PTCSC3: variants seen among roughly 807,000 people sequenced by gnomAD.
The protein encoded by PTCSC3 is papillary thyroid carcinoma susceptibility candidate 3 (non-protein coding).
At chr14:36,172,029 C>A (rs1371717751) in intron 1 of PTCSC3, among the ~76,000 whole-genome samples, 1 of 152,088 alleles carries the variant, frequency 6.6e-6, no homozygotes, top group Admixed American at 6.6e-5. Flanking sequence ...AACCTCTAAT[C>A]AGAAAGATGA....
chr14:36,166,489 G>T (rs907717036), intron 1 of PTCSC3, among the ~76,000 whole-genome samples: 1 of 152,144 alleles, frequency 6.6e-6, no homozygotes, highest in Non-Finnish European at 1.5e-5. Context: ...TAAGCAGGGT[G>T]TCTGATATGT....
chr14:36,171,454 C>T (rs1882191097), intron 1 of PTCSC3, among the ~76,000 whole-genome samples: 1 of 152,064 alleles, frequency 6.6e-6, no homozygotes, highest in African/African-American at 2.4e-5. Flanking sequence ...CATTATTCTC[C>T]CATACGCTGT....
chr14:36,170,984 G>A (rs1167889985), intron 1 of PTCSC3, among the ~76,000 whole-genome samples: 1 of 152,138 alleles, frequency 6.6e-6, no homozygotes, highest in African/African-American at 2.4e-5. Context: ...TAACTTAATA[G>A]CTTTCTGCTA....
chr14:36,155,969 T>C (rs1387428000), intron 2 of PTCSC3, among the ~76,000 whole-genome samples: 2 of 152,226 alleles, frequency 1.3e-5, no homozygotes, highest in East Asian at 3.9e-4. Flanking sequence ...ATAGATTGTA[T>C]CTTACTATTC....
At chr14:36,143,841 T>A (rs1336788444) in intron 3 of PTCSC3, among the ~76,000 whole-genome samples, 9 of 146,238 alleles carry the variant, frequency 6.2e-5, no homozygotes, top group South Asian at 4.6e-4. Flanking sequence ...TTGTATAAGG[T>A]GTAAGGAAGG....
At chr14:36,169,725 A>G (rs1338330164) in intron 1 of PTCSC3, among the ~76,000 whole-genome samples, 2 of 152,132 alleles carry the variant, frequency 1.3e-5, no homozygotes, top group Non-Finnish European at 2.9e-5. Flanking sequence ...AAGAGCTAGG[A>G]GAGGAAAAGC....
rs58223160 is a variant in PTCSC3, at chr14:36,162,258, G to GAAAAAAAAAAAAAA, written n.231+352_231+365dup. On this transcript the variant is annotated intron_variant and non_coding_transcript_variant, in intron 2 of 3. Transcript: ENST00000556013. ...GCGTTCCAGGAGCTGCTGGGGTATG[G>GAAAAAAAAAAAAAA]AAAAAAAAAAAAAAAAAAAAAAAAA... Among the ~76,000 whole-genome samples the GAAAAAAAAAAAAAA allele has an allele frequency of 3.8e-4, 40 of 106,542 alleles. 1 individual carries two copies. The highest frequency in any genetic ancestry group is 1.8e-3 in the African/African-American group (38 of 20,770). The allele number at this position is 106,542 out of a possible 152,430, so 69.9% of individuals were successfully genotyped here.
chr14:36,146,449 T>C lies in PTCSC3; in HGVS notation n.322+7355A>G, dbSNP rs377306307. 5.0e-3 allele frequency among the ~76,000 whole-genome samples: 765 copies of C among 151,538 alleles called. 5 individuals are homozygous for C. Among genetic ancestry groups the C allele is most frequent in the East Asian group, 0.032 (167 of 5,148 alleles). On this transcript the variant is annotated intron_variant and non_coding_transcript_variant, in intron 3 of 3. Coordinates refer to ENST00000556013, the Ensembl canonical transcript of PTCSC3. ...GTTTGTCTCTTTTGATCTTTGTTGGTTTAAAGTCTGTTTTATCAGAGACTA... is the reference window on the plus strand; with the variant it reads ...GTTTGTCTCTTTTGATCTTTGTTGGCTTAAAGTCTGTTTTATCAGAGACTA...
At chr14:36,141,077 T>G (rs756148440) in intron 3 of PTCSC3, among the ~76,000 whole-genome samples, 6 of 152,180 alleles carry the variant, frequency 3.9e-5, no homozygotes, top group Non-Finnish European at 8.8e-5. Context: ...TTTATTTTGT[T>G]CATAAGTGTA....
intron 1 of PTCSC3, among the ~76,000 whole-genome samples, chr14:36,164,789 G>C (rs1408327686): frequency 6.6e-6 from 1 of 152,080 alleles, no homozygotes; most frequent in African/African-American, 2.4e-5. Flanking sequence ...AAATACACTG[G>C]AAGGAAGAGA....
chr14:36,165,846 C>G (rs1414016706), intron 1 of PTCSC3, among the ~76,000 whole-genome samples: 1 of 151,150 alleles, frequency 6.6e-6, no homozygotes, highest in Non-Finnish European at 1.5e-5. Flanking sequence ...TTTGGCGAGG[C>G]AAGTACAATT....
In PTCSC3 at chr14:36,162,275, A is replaced by G. The variant is rs897556993; in HGVS notation, n.231+349T>C. On this transcript the variant is annotated intron_variant and non_coding_transcript_variant, in intron 2 of 3. Transcript: ENST00000556013. ...GGGGTATGGAAAAAAAAAAAAAAAA[A>G]AAAAAAAAAACTCCTGCAGCCAGCT... Among the ~76,000 whole-genome samples the G allele has an allele frequency of 3.2e-3, 476 of 150,838 alleles. 7 individuals carry two copies. The highest frequency in any genetic ancestry group is 0.011 in the African/African-American group (446 of 40,798).
rs370132258 is a variant in PTCSC3 at position 36,166,720 on chromosome 14, T to A, written n.172-4037A>T. On this transcript the variant is annotated intron_variant and non_coding_transcript_variant, in intron 1 of 3. Transcript: ENST00000556013. ...ATGTGTCAGGCAGAAATAGAAGGTA[T>A]GATAATATAGATCTTGCCTAATAGT... is the stretch of plus-strand genomic sequence containing the variant. Among the ~76,000 whole-genome samples, 6 of 152,332 alleles carry A rather than the reference T, an allele frequency of 3.9e-5. No individual in the cohort carries two copies. In the East Asian group the frequency reaches 9.6e-4, roughly 24 times the overall value.
intron 3 of PTCSC3, among the ~76,000 whole-genome samples, chr14:36,153,485 G>A (rs1380268574): frequency 1.3e-5 from 2 of 152,194 alleles, no homozygotes; most frequent in Non-Finnish European, 2.9e-5. Flanking sequence ...GACACCCACA[G>A]TGTTAAGCAA....
intron 3 of PTCSC3, among the ~76,000 whole-genome samples, chr14:36,148,177 G>T (rs1344232403): frequency 1.3e-5 from 2 of 152,142 alleles, no homozygotes; most frequent in East Asian, 3.9e-4. Flanking sequence ...TCCTTGAGCT[G>T]TGGTGGGCTC....
chr14:36,136,485 T>C (rs1455476321), intron 3 of PTCSC3: 1 of 151,958 alleles, frequency 6.6e-6, no homozygotes, highest in African/African-American at 2.4e-5. Flanking sequence ...GAGGTAAGAG[T>C]AAGAAGATAT....
At chr14:36,171,161 T>C (rs1882185502) in intron 1 of PTCSC3, among the ~76,000 whole-genome samples, 1 of 152,184 alleles carries the variant, frequency 6.6e-6, no homozygotes, top group Non-Finnish European at 1.5e-5. Flanking sequence ...AATCCTTCTG[T>C]AGGTTAAGAA....
chr14:36,161,224 A>G (rs907773385), intron 2 of PTCSC3, among the ~76,000 whole-genome samples: 6 of 152,016 alleles, frequency 3.9e-5, no homozygotes, highest in Non-Finnish European at 7.4e-5. Flanking sequence ...ATTTCTGTCA[A>G]TTTGTCAAGC....
intron 3 of PTCSC3, among the ~76,000 whole-genome samples, chr14:36,147,293 G>A (rs1881598707): frequency 6.6e-6 from 1 of 152,094 alleles, no homozygotes; most frequent in African/African-American, 2.4e-5. Flanking sequence ...ATCACTTTCA[G>A]GTACACCAAT....
Sources: allele counts gnomAD v4.1 joint callset (sites outside exome capture counted in the v4.1 genomes callset), GRCh38; gene constraint gnomAD v4.1.1; transcripts MANE v1.5; gene names NCBI Gene and HGNC (gene_info 2026-07-23, HGNC 2026-07-21).